Variants in DHRS7B observed in about 807,000 individuals in gnomAD.
The protein encoded by DHRS7B is peroxisomal reductase activating PPAR-gamma.
A neutral mutation model predicts 26.4 loss-of-function variants in DHRS7B; 24 were observed. The ratio of observed to expected loss-of-function variants is 0.91; its 90% CI spans 0.66 to 1.28. The LOEUF (loss-of-function observed/expected upper bound fraction) is 1.28, where lower values mean the gene tolerates loss of function less well. DHRS7B is among the 50% of genes most tolerant of loss of function. The pLI is 0.00. For synonymous variants in DHRS7B, 142 were observed against 166.4 expected (o/e 0.85, Z 1.13); for missense variants, 368 against 419.4 (o/e 0.88, Z 1.07).
chr17:21,136,125 C>A (rs574797414), intron 1 of DHRS7B, among the ~76,000 whole-genome samples: 3 of 151,948 alleles, frequency 2.0e-5, no homozygotes, highest in East Asian at 1.9e-4. Context: ...ATGGTGAAAC[C>A]CCGTCTCTAC....
chr17:21,174,925 G>A (rs1373087179), intron 2 of DHRS7B, among the ~76,000 whole-genome samples: 2 of 152,158 alleles, frequency 1.3e-5, no homozygotes, highest in African/African-American at 4.8e-5. Flanking sequence ...GCTGAGAAGC[G>A]CACCAGGGAG....
intron 6 of DHRS7B, among the ~76,000 whole-genome samples, chr17:21,190,088 C>T (rs1384233049): frequency 6.6e-6 from 1 of 152,088 alleles, no homozygotes; most frequent in Admixed American, 6.5e-5. Flanking sequence ...ATTGCTTGAG[C>T]CCAGGAGGTC....
At chr17:21,127,615 G>T (rs1597726971) in intron 1 of DHRS7B, 1 of 152,500 alleles carries the variant, frequency 6.6e-6, no homozygotes, top group Non-Finnish European at 1.5e-5. Context: ...GTAACTTTGG[G>T]AGTAACAAGC....
At chr17:21,155,304 C>T (rs934674809) in intron 1 of DHRS7B, among the ~76,000 whole-genome samples, 2 of 152,126 alleles carry the variant, frequency 1.3e-5, no homozygotes, top group Non-Finnish European at 2.9e-5. Flanking sequence ...GAAAAAAGAT[C>T]CACCATACTA....
Position 21,140,032 on chromosome 17 carries a change from T to C in DHRS7B, c.20+13041T>C, listed in dbSNP as rs1472289176. On this transcript the variant is annotated intron_variant, in intron 1 of 6. Coordinates refer to ENST00000395511, the MANE Select transcript of DHRS7B (RefSeq NM_015510.5). Reference sequence around the variant, plus strand: ...TCAGACTTTCAGATTCTTTTTTTTTTTTTTTTTTTTGAGACAGAGTCTCAC... The same window carrying C: ...TCAGACTTTCAGATTCTTTTTTTTTCTTTTTTTTTTGAGACAGAGTCTCAC... Among the ~76,000 whole-genome samples the C allele has an allele frequency of 3.0e-3, 420 of 141,226 alleles. 27 individuals are homozygous for C. Among genetic ancestry groups the C allele is most frequent in the Non-Finnish European group, 6.8e-4 (44 of 64,790 alleles). The allele number at this position is 141,226 out of a possible 152,430, so 92.6% of individuals were successfully genotyped here.
chr17:21,174,705 G>A (rs1193118827), intron 2 of DHRS7B, among the ~76,000 whole-genome samples: 1 of 152,216 alleles, frequency 6.6e-6, no homozygotes, highest in Admixed American at 6.5e-5. Flanking sequence ...GAAGGGTTCT[G>A]TGTCTGCACC....
At chr17:21,166,066 C>G in intron 1 of DHRS7B, 4 of 786,210 alleles carry the variant, frequency 5.1e-6, no homozygotes, top group Non-Finnish European at 6.2e-6. Context: ...TGTTCATTGT[C>G]ACCGCACTCC....
intron 5 of DHRS7B, among the ~76,000 whole-genome samples, chr17:21,185,575 T>G (rs991751010): frequency 3.0e-4 from 46 of 152,160 alleles, no homozygotes; most frequent in Non-Finnish European, 1.0e-4. Context: ...CAGCTTTGGA[T>G]AGGACAGCCA....
intron 2 of DHRS7B, among the ~76,000 whole-genome samples, chr17:21,176,726 G>A (rs776946415): frequency 1.3e-5 from 2 of 151,810 alleles, no homozygotes; most frequent in African/African-American, 2.4e-5. Flanking sequence ...GTCACACCCC[G>A]AGGGACTGAA....
intron 2 of DHRS7B, among the ~76,000 whole-genome samples, chr17:21,176,326 C>T (rs1455375397): frequency 2.6e-5 from 4 of 151,946 alleles, no homozygotes. Flanking sequence ...TATGGCCAGG[C>T]ACAGTGGCTC....
chr17:21,148,205 A>G (rs991686978), intron 1 of DHRS7B, among the ~76,000 whole-genome samples: 4 of 152,072 alleles, frequency 2.6e-5, no homozygotes, highest in Non-Finnish European at 5.9e-5. Context: ...AGAAGCCACC[A>G]TGCCCAGCCC....
At chr17:21,159,550 C>T (rs866609614) in intron 1 of DHRS7B, among the ~76,000 whole-genome samples, 162 of 151,876 alleles carry the variant, frequency 1.1e-3, no homozygotes, top group African/African-American at 3.6e-3. Context: ...CCACCGCACC[C>T]GGCCAATATT....
intron 1 of DHRS7B, among the ~76,000 whole-genome samples, chr17:21,148,226 T>A (rs1973683719): frequency 6.6e-6 from 1 of 151,792 alleles, no homozygotes; most frequent in African/African-American, 2.4e-5. Flanking sequence ...TAAAAAATAA[T>A]TTTTAAAAAA....
At chr17:21,178,052 T>A (rs1343962359) in intron 2 of DHRS7B, among the ~76,000 whole-genome samples, 181 bp from the exon 3 acceptor site, 2 of 152,266 alleles carry the variant, frequency 1.3e-5, no homozygotes, top group African/African-American at 4.8e-5. Context: ...CCTGTGGATG[T>A]TTGTAGCACT....
At chr17:21,168,869 G>A in intron 1 of DHRS7B, 1 of 985,458 alleles carries the variant, frequency 1.0e-6, no homozygotes. Context: ...AGGTGCTCAA[G>A]GAATCCCAGA....
At chr17:21,166,746 C>G (rs1974123028) in intron 1 of DHRS7B, among the ~76,000 whole-genome samples, 1 of 152,176 alleles carries the variant, frequency 6.6e-6, no homozygotes, top group Non-Finnish European at 1.5e-5. Flanking sequence ...TTTAGCAATA[C>G]TAAGCCACTC....
Position 21,172,016 on chromosome 17 carries a change from A to G in DHRS7B, c.21-2A>G. The G allele has an allele frequency of 6.2e-7, 1 of 1,614,208 alleles. No homozygotes were observed. Among genetic ancestry groups the G allele is most frequent in the Non-Finnish European group, 8.5e-7 (1 of 1,180,016 alleles). On this transcript the variant is annotated splice_acceptor_variant, in intron 1 of 6. Coordinates refer to ENST00000395511, the MANE Select transcript of DHRS7B (RefSeq NM_015510.5). LOFTEE classifies it high-confidence loss of function. ...TGGTGTGTTTGGTTTTGGTTCTTCC[A>G]GGAAGAGTCTGCCGAAGGTGAAGGC...
chr17:21,150,122 A>ACAAAC lies in DHRS7B; in HGVS notation c.21-21896_21-21895insCAAAC, dbSNP rs935450594. On this transcript the variant is annotated intron_variant, in intron 1 of 6. Transcript: ENST00000395511. ...TCTCTATTTAAAAAAAAAAAAAAAAAAAAAAAAAAACTAAGGCATAGAGTA... is the reference window on the plus strand; with the variant it reads ...TCTCTATTTAAAAAAAAAAAAAAAAACAAACAAAAAAAAAACTAAGGCATAGAGTA... Among the ~76,000 whole-genome samples the ACAAAC allele has an allele frequency of 7.1e-4, 107 of 150,282 alleles. 1 individual carries two copies. The highest frequency in any genetic ancestry group is 2.3e-3 in the African/African-American group (95 of 40,948).
chr17:21,185,739 G>A (rs920788985), intron 5 of DHRS7B, among the ~76,000 whole-genome samples: 8 of 151,952 alleles, frequency 5.3e-5, no homozygotes, highest in Non-Finnish European at 8.8e-5. Flanking sequence ...CCAGGCTAGA[G>A]TGCAGTAGTG....
Sources: allele counts gnomAD v4.1 joint callset (sites outside exome capture counted in the v4.1 genomes callset), GRCh38; gene constraint gnomAD v4.1.1; transcripts MANE v1.5; gene names NCBI Gene and HGNC (gene_info 2026-07-23, HGNC 2026-07-21).